Variants in ARHGEF37 observed in about 807,000 individuals in gnomAD.
ARHGEF37 encodes the protein Rho guanine nucleotide exchange factor (GEF) 37.
ARHGEF37 carries 55 observed loss-of-function variants against 71.1 expected under a neutral mutation model. The observed-to-expected ratio is 0.77, with a 90% confidence interval of 0.62 to 0.97. The LOEUF is 0.97. Ranked by LOEUF, ARHGEF37 falls within the 50% of genes least tolerant of loss-of-function variation. The pLI, the probability that ARHGEF37 is intolerant of heterozygous loss-of-function variation, is 0.00. For missense variants in ARHGEF37, 765 were observed against 836.8 expected (o/e 0.91, Z 1.06); for synonymous variants, 327 against 350.6 (o/e 0.93, Z 0.75).
At chr5:149,603,122 A>G (rs539510589) in intron 3 of ARHGEF37, among the ~76,000 whole-genome samples, 2 of 151,958 alleles carry the variant, frequency 1.3e-5, no homozygotes, top group East Asian at 1.9e-4. Context: ...TAGTAGAGAT[A>G]GGGTTTCACC....
intron 3 of ARHGEF37, among the ~76,000 whole-genome samples, chr5:149,608,058 G>A (rs916272646): frequency 2.0e-5 from 3 of 151,848 alleles, no homozygotes; most frequent in East Asian, 1.9e-4. Context: ...ATGAGCCACC[G>A]GGCCCGGCCT....
chr5:149,603,897 G>C (rs1475229767), intron 3 of ARHGEF37, among the ~76,000 whole-genome samples: 1 of 152,170 alleles, frequency 6.6e-6, no homozygotes, highest in Non-Finnish European at 1.5e-5. Flanking sequence ...GATCGTGCCA[G>C]TGTACTCCAG....
intron 1 of ARHGEF37, among the ~76,000 whole-genome samples, chr5:149,583,951 G>A (rs1305696977): frequency 6.6e-6 from 1 of 151,994 alleles, no homozygotes; most frequent in African/African-American, 2.4e-5. Context: ...GTAGACACGG[G>A]GTCTTGCTAT....
intron 1 of ARHGEF37, among the ~76,000 whole-genome samples, chr5:149,586,023 C>A (rs1233068877): frequency 6.6e-6 from 1 of 152,140 alleles, no homozygotes; most frequent in Non-Finnish European, 1.5e-5. Context: ...TAATTGAGCA[C>A]CAACTAAATG....
chr5:149,559,652 A>G (rs1343749772), intron 1 of ARHGEF37, among the ~76,000 whole-genome samples: 1 of 152,220 alleles, frequency 6.6e-6, no homozygotes, highest in Non-Finnish European at 1.5e-5. Context: ...TCCTTGTATC[A>G]TAAACAACAA....
intron 1 of ARHGEF37, among the ~76,000 whole-genome samples, chr5:149,554,647 G>GTTTTTTTT (rs111671134): frequency 7.3e-6 from 1 of 137,596 alleles, no homozygotes; most frequent in Non-Finnish European, 1.6e-5. Context: ...TGGCAAAATT[G>GTTTTTTTT]TTTTTTTTTT....
In ARHGEF37 at chr5:149,620,422, C is replaced by T. The variant is rs200135754; in HGVS notation, c.963C>T (p.Cys321=). 1 of 1,612,486 alleles carries T rather than the reference C, an allele frequency of 6.2e-7. No individual in the cohort carries two copies. The highest frequency in any genetic ancestry group is 1.3e-5 in the African/African-American group (1 of 74,824). The change falls in exon 8 of 13, where the codon TGC becomes TGT. Residue 321 remains cysteine, a synonymous_variant. Coordinates refer to ENST00000333677, the MANE Select transcript of ARHGEF37 (RefSeq NM_001001669.3). ...DIPEGPAVQY[C]NLARDLHLEA... ...CCGAGGGGCCTGCAGTGCAGTATTG[C>T]AATTTGGCAAGAGACCTTCACCTTG...
intron 3 of ARHGEF37, among the ~76,000 whole-genome samples, chr5:149,607,522 C>T (rs527721557): frequency 6.7e-4 from 102 of 152,274 alleles, no homozygotes; most frequent in African/African-American, 2.4e-3. Context: ...TATTGTCTCA[C>T]GCATCCATGT....
intron 10 of ARHGEF37, among the ~76,000 whole-genome samples, chr5:149,625,266 T>G (rs1561809791): frequency 1.3e-5 from 2 of 152,188 alleles, no homozygotes; most frequent in Non-Finnish European, 2.9e-5. Flanking sequence ...TCTGTTCTAG[T>G]CACTTGTAAA....
chr5:149,610,862 A>G lies in ARHGEF37; in HGVS notation c.458+1167A>G, dbSNP rs528895554. Among the ~76,000 whole-genome samples, 7 of 152,370 alleles carry G rather than the reference A, an allele frequency of 4.6e-5. No homozygotes were observed. The East Asian group carries it at 1.3e-3, about 29-fold the overall frequency. ...TATCAAGTGGCTTTTGCTAGATAAC[A>G]AATCACCCCCAAAATGTAGTGGCTT... On this transcript the variant is annotated intron_variant, in intron 4 of 12. Coordinates refer to ENST00000333677, the MANE Select transcript of ARHGEF37 (RefSeq NM_001001669.3).
At chr5:149,614,960 C>T (rs1229444583) in intron 4 of ARHGEF37, among the ~76,000 whole-genome samples, 1 of 152,126 alleles carries the variant, frequency 6.6e-6, no homozygotes, top group Non-Finnish European at 1.5e-5. Context: ...ACCTTTGTGG[C>T]TTTCTCCAAT....
Position 149,619,029 on chromosome 5 carries a change from T to C in ARHGEF37, c.881T>C (p.Leu294Pro). ...TELKNNVAAY[L>P]DNLQAFLYFR... ...CTGAAGAACAACGTGGCTGCTTACCTGGACAATCTGCAGGTGAGGACACTG... is the reference window on the plus strand; with the variant it reads ...CTGAAGAACAACGTGGCTGCTTACCCGGACAATCTGCAGGTGAGGACACTG... The change falls in exon 7 of 13, where the codon CTG becomes CCG. Residue 294 changes from leucine (L) to proline (P), a missense_variant. Physicochemically the swap from Leu to Pro is moderately conservative, Grantham distance 98. Around this residue, in one of 5 missense-constraint regions of ARHGEF37, gnomAD observed 167 missense variants for 173.3 expected, o/e 0.96. Transcript: ENST00000333677. 6.2e-7 allele frequency: 1 copy of C among 1,614,014 alleles called. No individual in the cohort carries two copies. Among genetic ancestry groups the C allele is most frequent in the Non-Finnish European group, 8.5e-7 (1 of 1,179,874 alleles).
chr5:149,569,909 C>A lies in ARHGEF37; in HGVS notation c.-12+17786C>A, dbSNP rs369491379. Among the ~76,000 whole-genome samples, 43 of 152,332 alleles carry A rather than the reference C, an allele frequency of 2.8e-4. 1 individual carries two copies. Among genetic ancestry groups the A allele is most frequent in the African/African-American group, 9.6e-4 (40 of 41,564 alleles). On this transcript the variant is annotated intron_variant, in intron 1 of 2. Transcript: ENST00000505810. Reference sequence around the variant, plus strand: ...GTGCTGGGATTTCAGGTGTGAGCCACTGCACCTGACCATATGTTTAACTTT... The same window carrying A: ...GTGCTGGGATTTCAGGTGTGAGCCAATGCACCTGACCATATGTTTAACTTT...
At chr5:149,604,114 T>C (rs1215132464) in intron 3 of ARHGEF37, among the ~76,000 whole-genome samples, 4 of 152,132 alleles carry the variant, frequency 2.6e-5, no homozygotes, top group Non-Finnish European at 1.5e-5. Flanking sequence ...TATAGCTACA[T>C]GTTTGAGGTT....
intron 9 of ARHGEF37, among the ~76,000 whole-genome samples, chr5:149,623,099 C>T (rs982133661): frequency 2.0e-5 from 3 of 152,190 alleles, no homozygotes; most frequent in African/African-American, 7.2e-5. Flanking sequence ...ATGCCCCTCT[C>T]CATTGTCCCT....
intron 1 of ARHGEF37, among the ~76,000 whole-genome samples, chr5:149,595,314 C>T (rs1281540254): frequency 6.6e-6 from 1 of 151,560 alleles, no homozygotes; most frequent in Non-Finnish European, 1.5e-5. Flanking sequence ...TAGCTGGGAC[C>T]ACAGGCATGT....
At chr5:149,582,288 T>G (rs1763125087) in intron 1 of ARHGEF37, among the ~76,000 whole-genome samples, 2 of 152,194 alleles carry the variant, frequency 1.3e-5, no homozygotes, top group African/African-American at 4.8e-5. Context: ...GTGCACAGTT[T>G]GAGATTTGAC....
chr5:149,577,369 G>T (rs1249585605), upstream of ARHGEF37, among the ~76,000 whole-genome samples: 1 of 152,142 alleles, frequency 6.6e-6, no homozygotes, highest in East Asian at 1.9e-4. Flanking sequence ...GACTCTAAAA[G>T]AGGTAGACAG....
rs897810799 is a variant in ARHGEF37 at position 149,634,461 on chromosome 5, T to C, written c.*2270T>C. 1 of 152,564 alleles carries C rather than the reference T, an allele frequency of 6.6e-6. No individual in the cohort carries two copies. The highest frequency in any genetic ancestry group is 1.5e-5 in the Non-Finnish European group (1 of 68,024). 9.5% of individuals were successfully genotyped at this position (152,564 alleles called of 1,614,324 possible). On this transcript the variant is annotated 3_prime_UTR_variant, in exon 13 of 13. Transcript: ENST00000333677. ...GTCTTGTAGGCATAAGGGAGGAAAA[T>C]AAAATATACTTGGAACCAAGTCTAT...
Sources: allele counts gnomAD v4.1 joint callset (sites outside exome capture counted in the v4.1 genomes callset), GRCh38; gene constraint gnomAD v4.1.1; regional missense constraint gnomAD v4.1.1; transcripts MANE v1.5; gene names NCBI Gene and HGNC (gene_info 2026-07-23, HGNC 2026-07-21).